The following CALN1 variants were observed in gnomAD, a reference collection of about 807,000 sequenced individuals.
The protein encoded by CALN1 is calneuron 1.
A neutral mutation model predicts 30.6 loss-of-function variants in CALN1; 17 were observed. The ratio of observed to expected loss-of-function variants is 0.56; its 90% CI spans 0.38 to 0.83. The LOEUF (loss-of-function observed/expected upper bound fraction) is 0.83, where lower values mean the gene tolerates loss of function less well. Among genes scored for constraint, CALN1 ranks in the 40% least tolerant of loss-of-function variants. The probability of loss-of-function intolerance (pLI) is 0.00; values close to 1 mark genes in which losing one functional copy is unlikely to be tolerated. For missense variants in CALN1, 291 were observed against 354.9 expected, an observed-to-expected ratio of 0.82 and a Z score of 1.45; for synonymous variants, 156 against 131.4, an observed-to-expected ratio of 1.19 and a Z score of -1.28.
intron 3 of CALN1, among the ~76,000 whole-genome samples, chr7:72,138,111 A>G (rs1809634391): frequency 6.6e-6 from 1 of 152,238 alleles, no homozygotes; most frequent in Admixed American, 6.5e-5. Context: ...TTAGTAAATG[A>G]CATGAGCAAA....
intron 4 of CALN1, among the ~76,000 whole-genome samples, chr7:72,063,245 T>C (rs1395685586): frequency 3.9e-5 from 6 of 152,222 alleles, no homozygotes; most frequent in Non-Finnish European, 8.8e-5. Flanking sequence ...GTATGTTAAT[T>C]CAAAATTTAA....
chr7:72,210,540 G>A (rs1265761045), intron 3 of CALN1, among the ~76,000 whole-genome samples: 1 of 151,968 alleles, frequency 6.6e-6, no homozygotes, highest in Non-Finnish European at 1.5e-5. Flanking sequence ...GAGGCCTCAG[G>A]AAACTTACAA....
At chr7:72,294,664 G>C (rs752753536) in intron 2 of CALN1, among the ~76,000 whole-genome samples, 1 of 151,800 alleles carries the variant, frequency 6.6e-6, no homozygotes, top group Non-Finnish European at 1.5e-5. Flanking sequence ...TGGGAGGATC[G>C]TTTGAGCCCA....
intron 3 of CALN1, among the ~76,000 whole-genome samples, chr7:72,262,478 A>C (rs1173970152): frequency 5.3e-5 from 8 of 152,184 alleles, no homozygotes; most frequent in Non-Finnish European, 1.2e-4. Flanking sequence ...CTACTCAAAT[A>C]GGTAGTTCTT....
intron 3 of CALN1, among the ~76,000 whole-genome samples, chr7:72,112,377 A>C (rs1807642908): frequency 6.6e-6 from 1 of 152,224 alleles, no homozygotes; most frequent in Non-Finnish European, 1.5e-5. Context: ...TTCTTCACAG[A>C]AATATATCTT....
chr7:72,431,845 C>CCA (rs1807989103), intron 1 of CALN1, among the ~76,000 whole-genome samples: 1 of 100,872 alleles, frequency 9.9e-6, no homozygotes. Context: ...ACCTCATCTC[C>CCA]AAAAAAAAAA....
intron 2 of CALN1, among the ~76,000 whole-genome samples, chr7:72,376,303 T>C (rs1042398082): frequency 2.6e-5 from 4 of 152,214 alleles, no homozygotes; most frequent in Non-Finnish European, 5.9e-5. Context: ...TGTTTACCCT[T>C]TGAGGAATGC....
intron 2 of CALN1, among the ~76,000 whole-genome samples, chr7:72,308,228 G>C (rs1481460384): frequency 6.6e-6 from 1 of 152,082 alleles, no homozygotes; most frequent in Non-Finnish European, 1.5e-5. Flanking sequence ...GCCAGGCATG[G>C]TGGTATACAC....
intron 3 of CALN1, among the ~76,000 whole-genome samples, chr7:72,260,170 G>T (rs1796170512): frequency 6.6e-6 from 1 of 152,196 alleles, no homozygotes. Flanking sequence ...CTGCACTTCA[G>T]CCTGGGAGAC....
At chr7:72,371,065 A>AG (rs1391822587) in intron 2 of CALN1, among the ~76,000 whole-genome samples, 1 of 151,634 alleles carries the variant, frequency 6.6e-6, no homozygotes, top group Non-Finnish European at 1.5e-5. Context: ...AAAAAAAAAA[A>AG]AGAGAGGGCT....
At chr7:71,854,230 CA>C (rs1790811503) in intron 5 of CALN1, among the ~76,000 whole-genome samples, 2 of 152,064 alleles carry the variant, frequency 1.3e-5, no homozygotes, top group Admixed American at 6.6e-5. Flanking sequence ...ACAGGCCGGG[CA>C]GGAGGCTGAG....
intron 5 of CALN1, among the ~76,000 whole-genome samples, chr7:71,981,375 A>T (rs1482547091): frequency 1.3e-5 from 2 of 152,094 alleles, no homozygotes; most frequent in African/African-American, 2.4e-5. Context: ...TGAGGCATCC[A>T]TAAAAACCCA....
intron 5 of CALN1, among the ~76,000 whole-genome samples, chr7:71,816,583 C>G (rs1788275686): frequency 6.6e-6 from 1 of 152,106 alleles, no homozygotes; most frequent in South Asian, 2.1e-4. Flanking sequence ...TGAGAGGTTG[C>G]TGTCATTCAG....
intron 3 of CALN1, among the ~76,000 whole-genome samples, chr7:72,166,655 G>T (rs760730243): frequency 6.6e-6 from 1 of 152,340 alleles, no homozygotes; most frequent in East Asian, 1.9e-4. Context: ...GAAACAGAGT[G>T]GAGTGGCAAA....
chr7:72,095,312 T>C (rs935585070), intron 4 of CALN1, among the ~76,000 whole-genome samples: 5 of 152,210 alleles, frequency 3.3e-5, no homozygotes, highest in African/African-American at 1.2e-4. Flanking sequence ...CTAGTATTAT[T>C]GTTATCCAGG....
At chr7:72,290,265 G>A (rs1798390078) in intron 2 of CALN1, among the ~76,000 whole-genome samples, 1 of 151,666 alleles carries the variant, frequency 6.6e-6, no homozygotes, top group South Asian at 2.1e-4. Flanking sequence ...CAGAAAAGAA[G>A]ACATGAAAAC....
At chr7:72,450,541 C>G (rs1376979038), upstream of CALN1, among the ~76,000 whole-genome samples, 1 of 152,202 alleles carries the variant, frequency 6.6e-6, no homozygotes, top group Admixed American at 6.5e-5. Flanking sequence ...ATTCCTACTA[C>G]GTCCTCCTCA....
intron 4 of CALN1, among the ~76,000 whole-genome samples, chr7:72,029,166 G>A (rs1801278889): frequency 1.3e-5 from 2 of 151,380 alleles, no homozygotes; most frequent in Admixed American, 6.6e-5. Context: ...TCACTCTGTT[G>A]CCCAGGCTGG....
chr7:72,083,537 T>C (rs1805290940), intron 4 of CALN1, among the ~76,000 whole-genome samples: 1 of 151,996 alleles, frequency 6.6e-6, no homozygotes, highest in Non-Finnish European at 1.5e-5. Flanking sequence ...CGAGCTATGA[T>C]CATGCCACTG....
Sources: gnomAD v4.1 joint callset for allele counts (sites outside exome capture counted in the v4.1 genomes callset) on GRCh38, gnomAD v4.1.1 for gene constraint, MANE v1.5 for transcripts, NCBI Gene and HGNC (gene_info 2026-07-23, HGNC 2026-07-21) for gene names.